ZNF700: variants seen among roughly 807,000 people sequenced by gnomAD.
The protein encoded by ZNF700 is zinc finger protein 700.
In ZNF700, 38 loss-of-function variants were observed where a neutral mutation model predicts 65.3. The ratio of observed to expected loss-of-function variants is 0.58; its 90% CI spans 0.45 to 0.76. The LOEUF (loss-of-function observed/expected upper bound fraction) is 0.76. Ranked by LOEUF, ZNF700 falls within the 30% of genes least tolerant of loss-of-function variation. The probability of loss-of-function intolerance (pLI) is 0.00; values close to 1 mark genes in which losing one functional copy is unlikely to be tolerated. For missense variants in ZNF700, 857 were observed against 888.4 expected (o/e 0.96, Z 0.45); for synonymous variants, 285 against 290.4 (o/e 0.98, Z 0.19).
chr19:11,936,332 C>G (rs1268920307), intron 1 of ZNF700, among the ~76,000 whole-genome samples: 1 of 152,202 alleles, frequency 6.6e-6, no homozygotes, highest in Non-Finnish European at 1.5e-5. Context: ...TATTTCTCCA[C>G]ATCCTCTCCA....
At chr19:11,936,648 C>T (rs80353030) in intron 1 of ZNF700, among the ~76,000 whole-genome samples, 1 of 152,094 alleles carries the variant, frequency 6.6e-6, no homozygotes, top group African/African-American at 2.4e-5. Context: ...TGCCTGTTCA[C>T]TTTGATGGTA....
chr19:11,942,883 A>G (rs60724998), intron 1 of ZNF700, among the ~76,000 whole-genome samples: 3,021 of 152,270 alleles, frequency 0.02, 73 homozygotes, highest in African/African-American at 0.059. Flanking sequence ...GTATGAGACA[A>G]TAAGAGAGGT....
At chr19:11,929,861 T>C (rs1236446449) in intron 1 of ZNF700, among the ~76,000 whole-genome samples, 3 of 148,394 alleles carry the variant, frequency 2.0e-5, no homozygotes, top group Non-Finnish European at 2.9e-5. Flanking sequence ...GAAAAATCCT[T>C]TCTGCCTCTC....
Position 11,950,042 on chromosome 19 carries a change from A to G in ZNF700, c.2018A>G (p.Glu673Gly). The change falls in exon 4 of 4, where the codon GAG (glutamate) becomes GGG (glycine). Residue 673 changes from glutamate (E) to glycine (G), a missense_variant. Coordinates refer to ENST00000254321, the MANE Select transcript of ZNF700 (RefSeq NM_144566.3). ...FQIHERKHRG[E>G]KPYECKHCGN... ...ATACATGAAAGGAAGCACAGAGGAG[A>G]GAAGCCCTATGAATGTAAGCATTGT... 6.2e-7 allele frequency: 1 copy of G among 1,614,196 alleles called. No homozygotes were observed. Among genetic ancestry groups the G allele is most frequent in the South Asian group, 1.1e-5 (1 of 91,082 alleles).
intron 1 of ZNF700, among the ~76,000 whole-genome samples, chr19:11,940,831 C>T (rs1972870148): frequency 6.6e-6 from 1 of 151,962 alleles, no homozygotes; most frequent in African/African-American, 2.4e-5. Context: ...TTCTCCACGT[C>T]CCCCCCAGAT....
rs1599297231 is a variant in ZNF700 at position 11,950,441 on chromosome 19, A to G, written c.*188A>G. ...ATTCCTTTTACTTCTTTTCAATGTC[A>G]TGAAAGGACTCACACGGGAGAGAAA... On this transcript the variant is annotated 3_prime_UTR_variant, in exon 4 of 4. Transcript: ENST00000254321. 2.7e-6 allele frequency: 2 copies of G among 736,748 alleles called. No individual in the cohort carries two copies. Among genetic ancestry groups the G allele is most frequent in the African/African-American group, 3.5e-5 (2 of 56,842 alleles). The allele number at this position is 736,748 out of a possible 1,614,324, so 45.6% of individuals were successfully genotyped here. A position where few individuals can be genotyped will look rare whatever the true frequency, so the allele number is the denominator to read the frequency against.
chr19:11,943,237 T>G (rs1972912125), intron 1 of ZNF700, among the ~76,000 whole-genome samples: 1 of 152,248 alleles, frequency 6.6e-6, no homozygotes, highest in South Asian at 2.1e-4. Context: ...TGTTATGTCC[T>G]TAACTATGTT....
rs1248314111 is a variant in ZNF700 at position 11,950,305 on chromosome 19, G to A, written c.*52G>A. On this transcript the variant is annotated 3_prime_UTR_variant, in exon 4 of 4. Coordinates refer to ENST00000254321, the MANE Select transcript of ZNF700 (RefSeq NM_144566.3). Reference sequence around the variant, plus strand: ...GACTCACACTGGAAGGAAGCACTATGAATGCAAGCAATGTGGCAAAACTTT... The same window carrying A: ...GACTCACACTGGAAGGAAGCACTATAAATGCAAGCAATGTGGCAAAACTTT... 1 of 1,558,378 alleles carries A rather than the reference G, an allele frequency of 6.4e-7. No individual in the cohort carries two copies. Among genetic ancestry groups the A allele is most frequent in the South Asian group, 1.2e-5 (1 of 85,316 alleles).
intron 1 of ZNF700, among the ~76,000 whole-genome samples, chr19:11,925,825 T>C (rs889739003): frequency 2.0e-5 from 3 of 152,006 alleles, no homozygotes; most frequent in Non-Finnish European, 4.4e-5. Context: ...AGGAGAGACC[T>C]TGGCCGAGGG....
chr19:11,945,423 C>T (rs1972944334), intron 1 of ZNF700, among the ~76,000 whole-genome samples: 1 of 152,170 alleles, frequency 6.6e-6, no homozygotes, highest in Non-Finnish European at 1.5e-5. Flanking sequence ...TTCTTGGTCC[C>T]TGGCTTGGGA....
intron 1 of ZNF700, among the ~76,000 whole-genome samples, chr19:11,932,330 C>T (rs1038530132): frequency 1.4e-5 from 2 of 147,374 alleles, no homozygotes; most frequent in South Asian, 2.1e-4. Flanking sequence ...GGTAACAGAA[C>T]GAGACCCTGT....
At chr19:11,947,394 A>T in intron 2 of ZNF700, 87 bp downstream of exon 2, 1 of 1,606,148 alleles carries the variant, frequency 6.2e-7, no homozygotes, top group South Asian at 1.1e-5. Flanking sequence ...TTGAACATAG[A>T]CAGGAAATAC....
Position 11,925,269 on chromosome 19 carries a change from A to G in ZNF700, c.59A>G (p.Glu20Gly). Residue 20 changes from glutamate (E) to glycine (G), a missense_variant, in exon 1 of 4, where the codon GAA becomes GGA. This residue lies in a region of ZNF700 where 603 missense variants were observed against 619.9 expected (regional missense o/e 0.97). Coordinates refer to ENST00000254321, the MANE Select transcript of ZNF700 (RefSeq NM_144566.3). ...GACCCCGGTACATCTGAAAGCCGGG[A>G]AATGGTGCGTGTGCGGGACCAGATG... ...REDPGTSESR[E>G]MDPVAFEDVA... 1.2e-6 allele frequency: 2 copies of G among 1,612,310 alleles called. No individual in the cohort carries two copies. The highest frequency in any genetic ancestry group is 1.7e-6 in the Non-Finnish European group (2 of 1,178,908).
chr19:11,933,844 C>T lies in ZNF700; in HGVS notation c.63+8571C>T, dbSNP rs987723996. Among the ~76,000 whole-genome samples, 19 of 131,034 alleles carry T rather than the reference C, an allele frequency of 1.5e-4. 4 individuals carry two copies. Among genetic ancestry groups the T allele is most frequent in the African/African-American group, 6.7e-4 (19 of 28,342 alleles). 86.0% of individuals were successfully genotyped at this position (131,034 alleles called of 152,430 possible). ...TGGGTGACGGAGCAAGACTCCATCTCAGAAAAAAAAAAAAAAAAAATTTGT... is the reference window on the plus strand; with the variant it reads ...TGGGTGACGGAGCAAGACTCCATCTTAGAAAAAAAAAAAAAAAAAATTTGT... On this transcript the variant is annotated intron_variant, in intron 1 of 3. Transcript: ENST00000254321.
intron 1 of ZNF700, among the ~76,000 whole-genome samples, chr19:11,935,239 T>C (rs1199055374): frequency 7.2e-6 from 1 of 139,446 alleles, no homozygotes; most frequent in East Asian, 2.1e-4. Flanking sequence ...TCTTGTTTTT[T>C]TTTTTTTTTT....
rs986719390 is a variant in ZNF700, at chr19:11,944,143, C to T, written c.64-3038C>T. On this transcript the variant is annotated intron_variant, in intron 1 of 3. Transcript: ENST00000254321. ...GAGAATAAGCTAATGGGGCGTTTCT[C>T]GTTTACCTAGGCTGAGATTGTTCGT... Among the ~76,000 whole-genome samples, 6 of 152,088 alleles carry T rather than the reference C, an allele frequency of 3.9e-5. No individual in the cohort carries two copies. The East Asian group carries it at 1.2e-3, about 29-fold the overall frequency.
chr19:11,932,916 C>T (rs1051932076), intron 1 of ZNF700, among the ~76,000 whole-genome samples: 2 of 148,330 alleles, frequency 1.3e-5, no homozygotes, highest in Admixed American at 6.6e-5. Context: ...GGATTACAGG[C>T]GTGAGCCACT....
intron 1 of ZNF700, among the ~76,000 whole-genome samples, chr19:11,932,177 C>T (rs982733715): frequency 6.9e-6 from 1 of 145,926 alleles, no homozygotes; most frequent in African/African-American, 2.7e-5. Flanking sequence ...ACATGGCAAA[C>T]CTTGTCTATA....
rs200878052 is a variant in ZNF700 at position 11,948,430 on chromosome 19, A to C, written c.406A>C (p.Ile136Leu). 2.0e-5 allele frequency: 32 copies of C among 1,614,078 alleles called. No individual in the cohort carries two copies. Among genetic ancestry groups the C allele is most frequent in the South Asian group, 1.1e-4 (10 of 91,094 alleles). Residue 136 changes from isoleucine to leucine, a missense_variant, in exon 4 of 4, where the codon ATA becomes CTA. Coordinates refer to ENST00000254321, the MANE Select transcript of ZNF700 (RefSeq NM_144566.3). ...CAGCTTTGTGTGTGCAGAAGTTGGC[A>C]TAGGTAACTCATCTTTTAATATGAG... The part of the protein sequence containing the change: ...CDSFVCAEVG[I>L]GNSSFNMSIR...
Sources: allele counts gnomAD v4.1 joint callset (sites outside exome capture counted in the v4.1 genomes callset), GRCh38; gene constraint gnomAD v4.1.1; regional missense constraint gnomAD v4.1.1; transcripts MANE v1.5; gene names NCBI Gene and HGNC (gene_info 2026-07-23, HGNC 2026-07-21).